The following CNTNAP2 variants were observed in gnomAD, a reference collection of about 807,000 sequenced individuals.
CNTNAP2 encodes contactin-associated protein-like 2.
In CNTNAP2, 98 loss-of-function variants were observed where a neutral mutation model predicts 155.2. The observed-to-expected ratio is 0.63, with a 90% confidence interval of 0.54 to 0.75. The LOEUF (loss-of-function observed/expected upper bound fraction) is 0.75, where lower values mean the gene tolerates loss of function less well. Ranked by LOEUF, CNTNAP2 falls within the 30% of genes least tolerant of loss-of-function variation. The probability of loss-of-function intolerance (pLI) is 0.00; values close to 1 mark genes in which losing one functional copy is unlikely to be tolerated. For missense variants in CNTNAP2, 1,727 were observed against 1,688.1 expected (o/e 1.02, Z -0.40); for synonymous variants, 651 against 631.2 (o/e 1.03, Z -0.47).
rs111338548 is a variant in CNTNAP2 at position 146,440,832 on chromosome 7, T to C, written c.97+323859T>C. ...AGTTATAATTATTATTTTACATAAATATCTTGTCTAGTTATCTGAAAAACC... is the reference window on the plus strand; with the variant it reads ...AGTTATAATTATTATTTTACATAAACATCTTGTCTAGTTATCTGAAAAACC... On this transcript the variant is annotated intron_variant, in intron 1 of 23. Transcript: ENST00000361727. 6.8e-4 allele frequency among the ~76,000 whole-genome samples: 103 copies of C among 151,770 alleles called. 8 individuals carry two copies. The highest frequency in any genetic ancestry group is 2.4e-3 in the African/African-American group (99 of 41,042).
chr7:146,473,119 C>T (rs113760623), intron 1 of CNTNAP2, among the ~76,000 whole-genome samples: 1 of 151,856 alleles, frequency 6.6e-6, no homozygotes, highest in Non-Finnish European at 1.5e-5. Flanking sequence ...GAGAGTTGTC[C>T]GTGATCTAGC....
chr7:148,038,799 G>A (rs1212033107), intron 15 of CNTNAP2, among the ~76,000 whole-genome samples: 2 of 151,776 alleles, frequency 1.3e-5, no homozygotes, highest in South Asian at 4.2e-4. Flanking sequence ...TCCAAAGAGA[G>A]AGAGAGAAGC....
chr7:147,860,345 A>G (rs1054646425), intron 13 of CNTNAP2, among the ~76,000 whole-genome samples: 1 of 152,056 alleles, frequency 6.6e-6, no homozygotes, highest in African/African-American at 2.4e-5. Context: ...AATCGTTTGG[A>G]CCAAGGAGGT....
intron 1 of CNTNAP2, among the ~76,000 whole-genome samples, chr7:146,181,465 T>C (rs1181756825): frequency 6.6e-6 from 1 of 152,166 alleles, no homozygotes; most frequent in Non-Finnish European, 1.5e-5. Flanking sequence ...TATAGTAACA[T>C]TTGCAAATCT....
chr7:147,586,627 A>G (rs1424808205), intron 12 of CNTNAP2, among the ~76,000 whole-genome samples: 1 of 151,786 alleles, frequency 6.6e-6, no homozygotes, highest in African/African-American at 2.4e-5. Flanking sequence ...GTAAAGAATG[A>G]GGCAGAAACA....
chr7:147,098,157 C>CT (rs1800583129), intron 4 of CNTNAP2, among the ~76,000 whole-genome samples: 2 of 152,274 alleles, frequency 1.3e-5, no homozygotes, highest in Admixed American at 1.3e-4. Flanking sequence ...TTTCCACGCC[C>CT]TTTCTCCTCT....
chr7:146,230,481 C>G (rs1799365608), intron 1 of CNTNAP2, among the ~76,000 whole-genome samples: 1 of 152,074 alleles, frequency 6.6e-6, no homozygotes, highest in South Asian at 2.1e-4. Flanking sequence ...AGTTTATAGA[C>G]AGTAAATATA....
At chr7:147,567,083 T>A (rs567266980) in intron 12 of CNTNAP2, among the ~76,000 whole-genome samples, 1 of 152,208 alleles carries the variant, frequency 6.6e-6, no homozygotes, top group Non-Finnish European at 1.5e-5. Flanking sequence ...GAACATGGTA[T>A]GGCCAGGAAT....
At chr7:146,883,667 A>G (rs1334950987) in intron 3 of CNTNAP2, among the ~76,000 whole-genome samples, 2 of 152,190 alleles carry the variant, frequency 1.3e-5, no homozygotes, top group African/African-American at 4.8e-5. Context: ...CATTTGTGAA[A>G]TGCCATCTTG....
intron 12 of CNTNAP2, chr7:147,638,841 C>CTTTTTTTTTTT (rs71874555): frequency 2.2e-6 from 1 of 448,644 alleles, no homozygotes. Flanking sequence ...GATACAAAAG[C>CTTTTTTTTTTT]TTTTTTTTTT....
intron 1 of CNTNAP2, among the ~76,000 whole-genome samples, chr7:146,654,973 T>C (rs1354015060): frequency 6.6e-6 from 1 of 152,092 alleles, no homozygotes; most frequent in Non-Finnish European, 1.5e-5. Context: ...TAAATCCCTT[T>C]TACCTAATAG....
chr7:148,097,340 T>TAAAAAAAAAAAAAAAAAAAAAAA (rs754030091), intron 15 of CNTNAP2, among the ~76,000 whole-genome samples: 1 of 78,492 alleles, frequency 1.3e-5, no homozygotes, highest in African/African-American at 4.8e-5. Context: ...GTGTCATTTG[T>TAAAAAAAAAAAAAAAAAAAAAAA]AAAAAAAAAA....
chr7:146,580,900 A>C (rs890868440), intron 1 of CNTNAP2, among the ~76,000 whole-genome samples: 1 of 152,100 alleles, frequency 6.6e-6, no homozygotes, highest in Non-Finnish European at 1.5e-5. Flanking sequence ...ACATTTGGCC[A>C]AGCGACACTC....
intron 22 of CNTNAP2, among the ~76,000 whole-genome samples, chr7:148,397,450 G>A (rs982255632): frequency 3.9e-5 from 6 of 152,120 alleles, no homozygotes; most frequent in African/African-American, 1.2e-4. Flanking sequence ...GAAAATTTTG[G>A]AGTAAAACAT....
intron 15 of CNTNAP2, among the ~76,000 whole-genome samples, chr7:148,073,964 G>T (rs934278130): frequency 1.3e-5 from 2 of 152,004 alleles, no homozygotes; most frequent in Non-Finnish European, 2.9e-5. Flanking sequence ...TATAGAAGGG[G>T]GTCCTGGAAC....
intron 18 of CNTNAP2, among the ~76,000 whole-genome samples, chr7:148,199,361 T>A (rs1795330984): frequency 6.6e-6 from 1 of 152,212 alleles, no homozygotes; most frequent in African/African-American, 2.4e-5. Context: ...TATTGTTTTA[T>A]TCTAAGAGGG....
intron 11 of CNTNAP2, among the ~76,000 whole-genome samples, chr7:147,550,408 T>A (rs150173230): frequency 6.6e-6 from 1 of 152,168 alleles, no homozygotes; most frequent in South Asian, 2.1e-4. Context: ...CCCTGCACAA[T>A]CTCTCTTGCC....
intron 1 of CNTNAP2, among the ~76,000 whole-genome samples, chr7:146,155,807 C>T (rs1368008596): frequency 2.0e-5 from 3 of 151,822 alleles, no homozygotes; most frequent in Non-Finnish European, 4.4e-5. Context: ...TCAAGTGATT[C>T]TCCTGCCTCA....
intron 13 of CNTNAP2, among the ~76,000 whole-genome samples, chr7:147,766,449 A>C (rs1797384880): frequency 6.6e-6 from 1 of 152,122 alleles, no homozygotes; most frequent in Non-Finnish European, 1.5e-5. Flanking sequence ...GAAGTAGAAG[A>C]AAGGTTATAT....
Sources: allele counts gnomAD v4.1 joint callset (sites outside exome capture counted in the v4.1 genomes callset), GRCh38; gene constraint gnomAD v4.1.1; transcripts MANE v1.5; gene names NCBI Gene and HGNC (gene_info 2026-07-23, HGNC 2026-07-21).